MNX1: variants seen among roughly 807,000 people sequenced by gnomAD.
The protein encoded by MNX1 is motor neuron and pancreas homeobox protein 1.
In MNX1, 2 loss-of-function variants were observed where a neutral mutation model predicts 17.3. The observed-to-expected ratio is 0.12, with a 90% CI of 0.05 to 0.36. MNX1 has a LOEUF of 0.36. MNX1 is among the 10% of genes least tolerant of loss of function. The pLI, the probability that MNX1 is intolerant of heterozygous loss-of-function variation, is 1.00. For synonymous variants in MNX1, 306 were observed against 283.1 expected, an observed-to-expected ratio of 1.08 and a Z score of -0.81; for missense variants, 556 against 564.7, an observed-to-expected ratio of 0.98 and a Z score of 0.16.
rs1307476038 is a variant in MNX1, at chr7:157,009,684, G to A, written c.667C>T (p.Leu223=). 4 of 1,608,964 alleles carry A rather than the reference G, an allele frequency of 2.5e-6. No individual in the cohort carries two copies. Among genetic ancestry groups the A allele is most frequent in the South Asian group, 1.1e-5 (1 of 90,906 alleles). Residue 223 remains leucine (L), a synonymous_variant, in exon 1 of 3, where the codon CTG becomes TTG. Transcript: ENST00000252971. ...WLRASTAGMI[L]PKMPDFNSQA... is the part of the protein sequence containing the mutation. ...CAGTTGAAGTCGGGCATCTTAGGCA[G>A]GATCATGCCCGCGGTGGACGCGCGC...
chr7:157,006,127 G>A lies in MNX1; in HGVS notation c.853-254C>T, dbSNP rs988230822. 1.3e-5 allele frequency among the ~76,000 whole-genome samples: 2 copies of A among 152,178 alleles called. No homozygotes were observed. Among genetic ancestry groups the A allele is most frequent in the African/African-American group, 2.4e-5 (1 of 41,448 alleles). On this transcript the variant is annotated intron_variant, in intron 2 of 2. Coordinates refer to ENST00000252971, the MANE Select transcript of MNX1 (RefSeq NM_005515.4). The surrounding 1 kb of genome is among the most constrained non-coding windows in gnomAD (Gnocchi z 6.3). ...GACTATGTCCCCAACGACCCAGGCC[G>A]GGGACTTTTCTACCCGCGCCCTCCG...
At chr7:157,008,732 T>C (rs935232976) in intron 1 of MNX1, 7 of 491,440 alleles carry the variant, frequency 1.4e-5, no homozygotes, top group Non-Finnish European at 2.2e-5. Flanking sequence ...GTTCGGCGGC[T>C]GAAAGCGTTG....
Position 157,005,833 on chromosome 7 carries a change from C to T in MNX1, c.893G>A (p.Arg298His). ...WFQNRRMKWK[R>H]SKKAKEQAAQ... Reference sequence around the variant, plus strand: ...CGCCTGCTCTTTGGCCTTTTTGCTGCGTTTCCATTTCATCCGCCGGTTCTG... The same window carrying T: ...CGCCTGCTCTTTGGCCTTTTTGCTGTGTTTCCATTTCATCCGCCGGTTCTG... Residue 298 changes from arginine to histidine, a missense_variant, in exon 3 of 3, where the codon CGC becomes CAC. Coordinates refer to ENST00000252971, the MANE Select transcript of MNX1 (RefSeq NM_005515.4). 3 of 1,612,374 alleles carry T rather than the reference C, an allele frequency of 1.9e-6. No homozygotes were observed. The highest frequency in any genetic ancestry group is 2.5e-6 in the Non-Finnish European group (3 of 1,179,826).
Position 157,005,443 on chromosome 7 carries a change from G to T in MNX1, c.*77C>A. On this transcript the variant is annotated 3_prime_UTR_variant, in exon 3 of 3. Transcript: ENST00000252971. ...GCTCTCGGGGCCGGGCCGGGTGGGT[G>T]CGGGCGCCGGGGCCTCCGGGAGAAG... The T allele has an allele frequency of 9.4e-7, 1 of 1,066,262 alleles. No homozygotes were observed. Among genetic ancestry groups the T allele is most frequent in the Non-Finnish European group, 1.2e-6 (1 of 848,990 alleles). The allele number at this position is 1,066,262 out of a possible 1,614,324, so 66.1% of individuals were successfully genotyped here. A position where few individuals can be genotyped will look rare whatever the true frequency, so the allele number is the denominator to read the frequency against.
Position 157,010,398 on chromosome 7 carries a change from C to T in MNX1, c.-48G>A, listed in dbSNP as rs1014617886. 4 of 1,507,152 alleles carry T rather than the reference C, an allele frequency of 2.7e-6. No individual in the cohort carries two copies. The highest frequency in any genetic ancestry group is 2.8e-5 in the African/African-American group (2 of 70,346). The allele number at this position is 1,507,152 out of a possible 1,614,324, so 93.4% of individuals were successfully genotyped here. On this transcript the variant is annotated 5_prime_UTR_variant, in exon 1 of 3. Coordinates refer to ENST00000252971, the MANE Select transcript of MNX1 (RefSeq NM_005515.4). Reference sequence around the variant, plus strand: ...CAGGGCCCGGTGGCGGGCGACGCGGCCGTGTGCGGGCTCGCGGAGTCAGTG... The same window carrying T: ...CAGGGCCCGGTGGCGGGCGACGCGGTCGTGTGCGGGCTCGCGGAGTCAGTG...
Position 157,005,511 on chromosome 7 carries a change from G to A in MNX1, c.*9C>T. ...CCGTGCGCGCCGCACCTGCTGGGCC[G>A]CGGGGCTCCTACTGGGGCGCGGGCT... On this transcript the variant is annotated 3_prime_UTR_variant, in exon 3 of 3. Transcript: ENST00000252971. 6.9e-7 allele frequency: 1 copy of A among 1,440,124 alleles called. No individual in the cohort carries two copies. The highest frequency in any genetic ancestry group is 9.1e-7 in the Non-Finnish European group (1 of 1,103,122). The allele number at this position is 1,440,124 out of a possible 1,614,324, so 89.2% of individuals were successfully genotyped here. A position where few individuals can be genotyped will look rare whatever the true frequency, so the allele number is the denominator to read the frequency against.
chr7:157,006,493 G>T lies in MNX1; in HGVS notation c.838C>A (p.Leu280Ile). Residue 280 changes from leucine (L) to isoleucine (I), a missense_variant, in exon 2 of 3, where the codon CTC becomes ATC. Coordinates refer to ENST00000252971, the MANE Select transcript of MNX1 (RefSeq NM_005515.4). The surrounding 1 kb of genome is among the most constrained non-coding windows in gnomAD (Gnocchi z 6.3). ...KRFEVATSLM[L>I]TETQVKIWFQ... ...AGGGCGCGCACCTGGGTCTCGGTGA[G>T]CATGAGCGAGGTGGCCACCTCGAAG... The T allele has an allele frequency of 3.7e-6, 6 of 1,610,966 alleles. No homozygotes were observed. The highest frequency in any genetic ancestry group is 5.1e-6 in the Non-Finnish European group (6 of 1,179,372).
chr7:157,010,370 G>A lies in MNX1; in HGVS notation c.-20C>T. 2 of 1,560,870 alleles carry A rather than the reference G, an allele frequency of 1.3e-6. No individual in the cohort carries two copies. Among genetic ancestry groups the A allele is most frequent in the South Asian group, 2.3e-5 (2 of 85,360 alleles). ...TTCCATCGGCTCGTTTGGGGCTGGC[G>A]CTCAGGGCCCGGTGGCGGGCGACGC... On this transcript the variant is annotated 5_prime_UTR_variant, in exon 1 of 3. Coordinates refer to ENST00000252971, the MANE Select transcript of MNX1 (RefSeq NM_005515.4).
Position 157,009,921 on chromosome 7 carries a change from C to A in MNX1, c.430G>T (p.Gly144Trp). ...AGGLALGLHPGGAQGGAGLPA... is the reference protein window; with the variant it reads ...AGGLALGLHPWGAQGGAGLPA... ...AGGCCCGCGCCGCCCTGCGCGCCCC[C>A]AGGGTGCAGCCCCAGCGCCAGGCCC... The change falls in exon 1 of 3, where the codon GGG becomes TGG. Residue 144 changes from glycine to tryptophan, a missense_variant. Around this residue, in one of 7 missense-constraint regions of MNX1, gnomAD observed 210 missense variants for 211.3 expected, o/e 0.99. Transcript: ENST00000252971. 8.0e-7 allele frequency: 1 copy of A among 1,246,360 alleles called. No individual in the cohort carries two copies. The highest frequency in any genetic ancestry group is 2.4e-5 in the South Asian group (1 of 41,692). 77.2% of individuals were successfully genotyped at this position (1,246,360 alleles called of 1,614,324 possible).
chr7:157,009,078 C>T (rs1805657115), intron 1 of MNX1: 1 of 1,536,710 alleles, frequency 6.5e-7, no homozygotes, highest in Non-Finnish European at 8.7e-7. Context: ...GGCCACCTGC[C>T]TCGGCCATCG....
chr7:157,009,152 G>A (rs1415886893), intron 1 of MNX1: 2 of 1,502,878 alleles, frequency 1.3e-6, no homozygotes, highest in African/African-American at 1.4e-5. Context: ...GGGTTCCCTG[G>A]GCCTTGGCCT....
intron 1 of MNX1, among the ~76,000 whole-genome samples, chr7:157,007,309 A>AAGGGAGAG (rs914887327): frequency 6.6e-6 from 1 of 151,186 alleles, no homozygotes; most frequent in Non-Finnish European, 1.5e-5. Context: ...GGAAGGAAGG[A>AAGGGAGAG]AGGGAGAGAG....
In MNX1 at chr7:157,010,046, C is replaced by T. The variant is rs1805684365; in HGVS notation, c.305G>A (p.Gly102Asp). Reference protein sequence around the residue: ...PKPGFLGAGGGGGGTGGGHGG... With the variant: ...PKPGFLGAGGDGGGTGGGHGG... ...GTGCCCGCCGCCCGTGCCGCCGCCGCCGCCGCCCGCGCCCAGGAAGCCCGG... is the reference window on the plus strand; with the variant it reads ...GTGCCCGCCGCCCGTGCCGCCGCCGTCGCCGCCCGCGCCCAGGAAGCCCGG... Residue 102 changes from glycine to aspartate, a missense_variant, in exon 1 of 3, where the codon GGC (glycine) becomes GAC (aspartate). Gly to Asp is a moderately conservative substitution (Grantham distance 94). Coordinates refer to ENST00000252971, the MANE Select transcript of MNX1 (RefSeq NM_005515.4). 2.3e-5 allele frequency: 23 copies of T among 999,384 alleles called. No homozygotes were observed. The highest frequency in any genetic ancestry group is 2.5e-5 in the Non-Finnish European group (21 of 841,100). 61.9% of individuals were successfully genotyped at this position (999,384 alleles called of 1,614,324 possible). A position where few individuals can be genotyped will look rare whatever the true frequency, so the allele number is the denominator to read the frequency against.
Position 157,010,165 on chromosome 7 carries a change from G to C in MNX1, c.186C>G (p.Ser62=). The change falls in exon 1 of 3, where the codon TCC becomes TCG. Residue 62 remains serine (S), a synonymous_variant. Coordinates refer to ENST00000252971, the MANE Select transcript of MNX1 (RefSeq NM_005515.4). ...GGTSGSCSPA[S]SEPPAAPADR... ...CGGCGGGCGCAGCCGGCGGCTCCGA[G>C]GACGCGGGGCTGCAGCTGCCGCTAG... 2.6e-6 allele frequency: 3 copies of C among 1,143,098 alleles called. No individual in the cohort carries two copies. Among genetic ancestry groups the C allele is most frequent in the Non-Finnish European group, 2.2e-6 (2 of 929,866 alleles). The allele number at this position is 1,143,098 out of a possible 1,614,324, so 70.8% of individuals were successfully genotyped here.
In MNX1 at chr7:157,010,145, G is replaced by A. The variant is rs1014068387; in HGVS notation, c.206C>T (p.Pro69Leu). Residue 69 changes from proline to leucine, a missense_variant, in exon 1 of 3, where the codon CCC (proline) becomes CTC (leucine). Around this residue, in one of 7 missense-constraint regions of MNX1, gnomAD observed 115 missense variants for 103.5 expected, o/e 1.11. Coordinates refer to ENST00000252971, the MANE Select transcript of MNX1 (RefSeq NM_005515.4). The part of the protein sequence containing the change: ...SPASSEPPAA[P>L]ADRLRAESPS... ...GCTCTCGGCGCGCAGGCGGTCGGCGGGCGCAGCCGGCGGCTCCGAGGACGC... is the reference window on the plus strand; with the variant it reads ...GCTCTCGGCGCGCAGGCGGTCGGCGAGCGCAGCCGGCGGCTCCGAGGACGC... The A allele has an allele frequency of 1.5e-5, 16 of 1,068,544 alleles. No individual in the cohort carries two copies. In the African/African-American group the frequency reaches 2.4e-4, roughly 16 times the overall value. 66.2% of individuals were successfully genotyped at this position (1,068,544 alleles called of 1,614,324 possible).
chr7:157,005,655 C>T lies in MNX1; in HGVS notation c.1071G>A (p.Glu357=), dbSNP rs1270021309. 6 of 1,610,718 alleles carry T rather than the reference C, an allele frequency of 3.7e-6. No individual in the cohort carries two copies. Among genetic ancestry groups the T allele is most frequent in the Non-Finnish European group, 5.1e-6 (6 of 1,179,266 alleles). ...CCTCGTCGTCCTCGTCCTCGTCCTC[C>T]TCGGGGTCACTGTCCCTCAAGTCCC... ...RLRDLRDSDP[E]EDEDEDDEDH... The change falls in exon 3 of 3, where the codon GAG becomes GAA. Residue 357 remains glutamate, a synonymous_variant. Transcript: ENST00000252971.
rs1161588324 is a variant in MNX1 at position 157,005,634 on chromosome 7, G to A, written c.1092C>T (p.Asp364=). 6.2e-7 allele frequency: 1 copy of A among 1,609,502 alleles called. No individual in the cohort carries two copies. Among genetic ancestry groups the A allele is most frequent in the Non-Finnish European group, 8.5e-7 (1 of 1,178,826 alleles). ...SDPEEDEDED[D]EDHFPYSNGA... ...CGTTGCTGTAGGGGAAATGGTCCTC[G>A]TCGTCCTCGTCCTCGTCCTCCTCGG... Residue 364 remains aspartate, a synonymous_variant, in exon 3 of 3, where the codon GAC becomes GAT. Coordinates refer to ENST00000252971, the MANE Select transcript of MNX1 (RefSeq NM_005515.4).
chr7:157,005,482 C>CGCT lies in MNX1; in HGVS notation c.*35_*37dup, dbSNP rs1362953674. On this transcript the variant is annotated 3_prime_UTR_variant, in exon 3 of 3. Coordinates refer to ENST00000252971, the MANE Select transcript of MNX1 (RefSeq NM_005515.4). Reference sequence around the variant, plus strand: ...CTCCGGGAGAAGCCGCCGGCCGGGGCGCTCCGTGCGCGCCGCACCTGCTGG... The same window carrying CGCT: ...CTCCGGGAGAAGCCGCCGGCCGGGGCGCTGCTCCGTGCGCGCCGCACCTGCTGG... 1 of 1,250,394 alleles carries CGCT rather than the reference C, an allele frequency of 8.0e-7. No individual in the cohort carries two copies. Among genetic ancestry groups the CGCT allele is most frequent in the East Asian group, 3.2e-5 (1 of 31,364 alleles). The allele number at this position is 1,250,394 out of a possible 1,614,324, so 77.5% of individuals were successfully genotyped here.
At position 157,009,922 on chromosome 7, in the gene MNX1, AG is replaced by A; in HGVS notation, c.428del (p.Pro143LeufsTer79). On this transcript the variant is annotated frameshift_variant, in exon 1 of 3. Coordinates refer to ENST00000252971, the MANE Select transcript of MNX1 (RefSeq NM_005515.4). LOFTEE classifies it high-confidence loss of function. ...AAGGLALGLH[P>X]GGAQGGAGLP... ...GGCCCGCGCCGCCCTGCGCGCCCCCAGGGTGCAGCCCCAGCGCCAGGCCCCC... is the reference window on the plus strand; with the variant it reads ...GGCCCGCGCCGCCCTGCGCGCCCCCAGGTGCAGCCCCAGCGCCAGGCCCCC... 1 of 1,242,530 alleles carries A rather than the reference AG, an allele frequency of 8.0e-7. No homozygotes were observed. Among genetic ancestry groups the A allele is most frequent in the Admixed American group, 4.3e-5 (1 of 23,322 alleles). The allele number at this position is 1,242,530 out of a possible 1,614,324, so 77.0% of individuals were successfully genotyped here. A position where few individuals can be genotyped will look rare whatever the true frequency, so the allele number is the denominator to read the frequency against.
Sources: allele counts gnomAD v4.1 joint callset (sites outside exome capture counted in the v4.1 genomes callset), GRCh38; gene constraint gnomAD v4.1.1; regional missense constraint gnomAD v4.1.1; non-coding constraint Gnocchi (gnomAD v3.1); transcripts MANE v1.5; gene names NCBI Gene and HGNC (gene_info 2026-07-23, HGNC 2026-07-21).